Variants in ROR2 observed in about 807,000 individuals in gnomAD.
The protein encoded by ROR2 is tyrosine-protein kinase transmembrane receptor ROR2.
ROR2 carries 33 observed loss-of-function variants against 74.9 expected under a neutral mutation model. The ratio of observed to expected loss-of-function variants is 0.44; its 90% CI spans 0.33 to 0.59. ROR2 has a LOEUF of 0.59. Among genes scored for constraint, ROR2 ranks in the 20% least tolerant of loss-of-function variants. The pLI is 0.02. For missense variants in ROR2, 1,216 were observed against 1,313.8 expected, an observed-to-expected ratio of 0.93 and a Z score of 1.15; for synonymous variants, 586 against 558.7, an observed-to-expected ratio of 1.05 and a Z score of -0.69.
intron 1 of ROR2, among the ~76,000 whole-genome samples, chr9:91,924,336 G>T (rs1334949623): frequency 6.6e-6 from 1 of 152,220 alleles, no homozygotes; most frequent in Admixed American, 6.5e-5. Flanking sequence ...CTGGAGGAAG[G>T]TGTCCATCGG....
chr9:91,878,621 T>C (rs1830019391), intron 1 of ROR2, among the ~76,000 whole-genome samples: 2 of 152,344 alleles, frequency 1.3e-5, no homozygotes, highest in Middle Eastern at 3.4e-3. Flanking sequence ...TTCACCTCTT[T>C]GGAAAGCCAC....
At chr9:91,934,612 CTTTATT>C (rs1192658191) in intron 1 of ROR2, among the ~76,000 whole-genome samples, 2 of 152,054 alleles carry the variant, frequency 1.3e-5, no homozygotes, top group African/African-American at 4.8e-5. Flanking sequence ...TTTCATTTTG[CTTTATT>C]TTTAAACAGC....
In ROR2 at chr9:91,737,506, G is replaced by A. The variant is rs763166017; in HGVS notation, c.507C>T (p.His169=). 8.1e-6 allele frequency: 13 copies of A among 1,614,054 alleles called. No individual in the cohort carries two copies. The highest frequency in any genetic ancestry group is 4.5e-5 in the East Asian group (2 of 44,900). The change falls in exon 5 of 9, where the codon CAC becomes CAT. Residue 169 remains histidine, a synonymous_variant. Transcript: ENST00000375708. The part of the protein sequence containing the change: ...SPNHNFQDDY[H]EDGFCQPYRG... ...GGTAAGGCTGGCAGAACCCATCCTC[G>A]TGGTAATCATCCCTGGTAAGAAACA...
At chr9:91,821,839 A>C (rs10820905) in intron 1 of ROR2, among the ~76,000 whole-genome samples, 71,717 of 152,016 alleles carry the variant, frequency 0.47, 19,308 homozygotes, top group African/African-American at 0.73. Flanking sequence ...CAGCAGGTCC[A>C]AGGCATCTAC....
At chr9:91,840,984 A>G (rs1177392780) in intron 1 of ROR2, among the ~76,000 whole-genome samples, 1 of 152,236 alleles carries the variant, frequency 6.6e-6, no homozygotes, top group Non-Finnish European at 1.5e-5. Context: ...GTGTCCAACT[A>G]CCAAAGACAA....
At chr9:91,828,508 G>A (rs892967089) in intron 1 of ROR2, among the ~76,000 whole-genome samples, 5 of 152,152 alleles carry the variant, frequency 3.3e-5, no homozygotes, top group South Asian at 2.1e-4. Flanking sequence ...GAGTTCAGGA[G>A]TTCGAGACCA....
intron 1 of ROR2, among the ~76,000 whole-genome samples, chr9:91,819,586 G>C (rs1167621981): frequency 6.6e-6 from 1 of 151,168 alleles, no homozygotes. Context: ...GTGTGTCTCT[G>C]AGTGTTCTGT....
At chr9:91,769,442 T>C (rs551699114) in intron 2 of ROR2, among the ~76,000 whole-genome samples, 5 of 152,214 alleles carry the variant, frequency 3.3e-5, no homozygotes, top group Admixed American at 2.6e-4. Context: ...TTCAGAGCTG[T>C]CCTGGGGGTT....
In ROR2 at chr9:91,875,261, A is replaced by C. The variant is rs1391716995; in HGVS notation, c.97+74606T>G. On this transcript the variant is annotated intron_variant, in intron 1 of 8. Coordinates refer to ENST00000375708, the MANE Select transcript of ROR2 (RefSeq NM_004560.4). ...TTGTGAAGAAGAATTGTTTAAATGAACAAGAATTTGACTAAATCAAAAGTA... is the reference window on the plus strand; with the variant it reads ...TTGTGAAGAAGAATTGTTTAAATGACCAAGAATTTGACTAAATCAAAAGTA... 6.6e-5 allele frequency among the ~76,000 whole-genome samples: 10 copies of C among 152,352 alleles called. No individual in the cohort carries two copies. The East Asian group carries it at 1.9e-3, about 29-fold the overall frequency.
At chr9:91,873,674 G>A (rs554513887) in intron 1 of ROR2, among the ~76,000 whole-genome samples, 2 of 152,134 alleles carry the variant, frequency 1.3e-5, no homozygotes, top group East Asian at 1.9e-4. Flanking sequence ...CATCTGAAGT[G>A]CATTTGAGCC....
chr9:91,884,460 AC>A (rs1459542032), intron 1 of ROR2, among the ~76,000 whole-genome samples: 3 of 128,562 alleles, frequency 2.3e-5, no homozygotes, highest in Non-Finnish European at 4.7e-5. Flanking sequence ...CTCTCCACTT[AC>A]CTTTGATTAC....
At chr9:91,898,027 G>A (rs1474583109) in intron 1 of ROR2, among the ~76,000 whole-genome samples, 3 of 152,032 alleles carry the variant, frequency 2.0e-5, no homozygotes, top group Non-Finnish European at 4.4e-5. Flanking sequence ...TTGCCACGGC[G>A]GGGTCCACAC....
At chr9:91,815,686 A>G (rs751660265) in intron 1 of ROR2, among the ~76,000 whole-genome samples, 2 of 152,244 alleles carry the variant, frequency 1.3e-5, no homozygotes, top group Non-Finnish European at 2.9e-5. Context: ...TCTGAAACCC[A>G]TGGTCTTTGG....
At chr9:91,790,510 A>G (rs1349275416) in intron 1 of ROR2, among the ~76,000 whole-genome samples, 2 of 142,542 alleles carry the variant, frequency 1.4e-5, no homozygotes, top group African/African-American at 2.6e-5. Flanking sequence ...CTCCGTCTCA[A>G]TTAAAAAAAA....
intron 1 of ROR2, among the ~76,000 whole-genome samples, chr9:91,814,964 G>A (rs1278531829): frequency 2.6e-5 from 4 of 152,310 alleles, no homozygotes; most frequent in South Asian, 2.1e-4. Flanking sequence ...TGACACAGTC[G>A]GTGACAATGC....
At chr9:91,860,806 C>A (rs563383334) in intron 1 of ROR2, among the ~76,000 whole-genome samples, 1 of 152,198 alleles carries the variant, frequency 6.6e-6, no homozygotes, top group Non-Finnish European at 1.5e-5. Context: ...CCAACTCCCA[C>A]GCCAGTCTCC....
chr9:91,897,930 TCCC>T (rs1462216701), intron 1 of ROR2, among the ~76,000 whole-genome samples: 17 of 151,384 alleles, frequency 1.1e-4, no homozygotes, highest in African/African-American at 4.1e-4. Flanking sequence ...GAGAGTGCAG[TCCC>T]CCTGCCTGGA....
chr9:91,850,857 T>C (rs569128472), intron 1 of ROR2, among the ~76,000 whole-genome samples: 13 of 152,344 alleles, frequency 8.5e-5, no homozygotes, highest in African/African-American at 2.9e-4. Context: ...ACAGTTCTTG[T>C]TGACTTATTA....
chr9:91,862,668 CA>C (rs113052659), intron 1 of ROR2, among the ~76,000 whole-genome samples: 2 of 150,234 alleles, frequency 1.3e-5, no homozygotes, highest in Admixed American at 6.6e-5. Flanking sequence ...TCTCAAAAAA[CA>C]AAAAAAAAGA....
Sources: gnomAD v4.1 joint callset for allele counts (sites outside exome capture counted in the v4.1 genomes callset) on GRCh38, gnomAD v4.1.1 for gene constraint, MANE v1.5 for transcripts, NCBI Gene and HGNC (gene_info 2026-07-23, HGNC 2026-07-21) for gene names.